The following COG7 variants were observed in gnomAD, a reference collection of about 807,000 sequenced individuals.
COG7 encodes component of oligomeric golgi complex 7.
In COG7, 49 loss-of-function variants were observed where a neutral mutation model predicts 91.5. That is an observed-to-expected ratio of 0.54 (90% CI 0.43 to 0.68). The LOEUF (loss-of-function observed/expected upper bound fraction) is 0.68, where lower values mean the gene tolerates loss of function less well. Ranked by LOEUF, COG7 falls within the 30% of genes least tolerant of loss-of-function variation. The pLI is 0.00. For missense variants in COG7, 895 were observed against 961.3 expected (o/e 0.93, Z 0.91); for synonymous variants, 365 against 388.7 (o/e 0.94, Z 0.72).
intron 13 of COG7, among the ~76,000 whole-genome samples, chr16:23,402,118 T>C (rs552559283): frequency 7.2e-5 from 11 of 152,256 alleles, no homozygotes; most frequent in African/African-American, 2.6e-4. Flanking sequence ...ATTCATTTAG[T>C]GTCTCTTTTT....
Position 23,431,212 on chromosome 16 carries a change from T to C in COG7, c.810+2333A>G, listed in dbSNP as rs534429364. Reference sequence around the variant, plus strand: ...TTTTATATATTGGAAATTTCTCATATGAAAATGCTAAGGGGAAAAATCTGA... The same window carrying C: ...TTTTATATATTGGAAATTTCTCATACGAAAATGCTAAGGGGAAAAATCTGA... On this transcript the variant is annotated intron_variant, in intron 6 of 16. Coordinates refer to ENST00000307149, the MANE Select transcript of COG7 (RefSeq NM_153603.4). Among the ~76,000 whole-genome samples, 4 of 152,256 alleles carry C rather than the reference T, an allele frequency of 2.6e-5. No individual in the cohort carries two copies. In the South Asian group the frequency reaches 8.3e-4, roughly 32 times the overall value.
At chr16:23,413,608 TC>T in intron 9 of COG7, 44 bp from the exon 10 acceptor site, 1 of 1,018,120 alleles carries the variant, frequency 9.8e-7, no homozygotes. Context: ...CACCACTGAT[TC>T]CCCAACTCTA....
chr16:23,445,139 T>C lies in COG7; in HGVS notation c.344A>G (p.Lys115Arg). Reference sequence around the variant, plus strand: ...TTCGGCAGCAAGTTGCATTCTGGACTTCACTTGGTCAATTTCTACCAACAC... The same window carrying C: ...TTCGGCAGCAAGTTGCATTCTGGACCTCACTTGGTCAATTTCTACCAACAC... Reference protein sequence around the residue: ...MQVLVEIDQVKSRMQLAAESL... With the variant: ...MQVLVEIDQVRSRMQLAAESL... Residue 115 changes from lysine (K) to arginine (R), a missense_variant, in exon 3 of 17, where the codon AAG becomes AGG. Transcript: ENST00000307149. The C allele has an allele frequency of 2.5e-6, 4 of 1,614,086 alleles. No homozygotes were observed. Among genetic ancestry groups the C allele is most frequent in the Non-Finnish European group, 3.4e-6 (4 of 1,179,974 alleles).
chr16:23,443,785 G>A (rs1300958571), intron 3 of COG7, among the ~76,000 whole-genome samples: 2 of 152,050 alleles, frequency 1.3e-5, no homozygotes, highest in East Asian at 1.9e-4. Context: ...AAAGGGGCAG[G>A]GAACATAAAT....
intron 11 of COG7, among the ~76,000 whole-genome samples, chr16:23,408,119 A>G (rs444154): frequency 4.1e-4 from 18 of 43,778 alleles, no homozygotes; most frequent in South Asian, 1.2e-3. Flanking sequence ...GGGGCGAGAG[A>G]TAGGGGCGAG....
rs1963671149 is a variant in COG7 at position 23,417,192 on chromosome 16, C to T, written c.1138-71G>A. 4 of 1,484,032 alleles carry T rather than the reference C, an allele frequency of 2.7e-6. No individual in the cohort carries two copies. In the East Asian group the frequency reaches 9.0e-5, roughly 34 times the overall value. The allele number at this position is 1,484,032 out of a possible 1,614,324, so 91.9% of individuals were successfully genotyped here. A position where few individuals can be genotyped will look rare whatever the true frequency, so the allele number is the denominator to read the frequency against. ...CAATGCTGAGATAGGGGAAGACCTC[C>T]AAGCCTTCTCATCTGTAGTAAAATC... On this transcript the variant is annotated intron_variant, in intron 8 of 16. Transcript: ENST00000307149.
In COG7 at chr16:23,434,661, A is replaced by C; in HGVS notation, c.662T>G (p.Leu221Arg). Residue 221 changes from leucine to arginine, a missense_variant, in exon 5 of 17, where the codon CTG becomes CGG. Coordinates refer to ENST00000307149, the MANE Select transcript of COG7 (RefSeq NM_153603.4). ...FTEIDRMPQL[L>R]AYYYKCHKVQ... ...CTTGTGACACTTGTAGTAGTAGGCC[A>C]GGAGCTGGGGCATCCGGTCAATTTC... 6.2e-7 allele frequency: 1 copy of C among 1,613,912 alleles called. No individual in the cohort carries two copies. The highest frequency in any genetic ancestry group is 8.5e-7 in the Non-Finnish European group (1 of 1,179,762).
chr16:23,392,659 G>A, intron 15 of COG7, 136 bp from the exon 16 acceptor site: 2 of 1,002,438 alleles, frequency 2.0e-6, no homozygotes, highest in Non-Finnish European at 3.1e-6. Flanking sequence ...GCCAGGTGCA[G>A]TGGCTCATGC....
intron 6 of COG7, 23 bp from the exon 7 acceptor site, chr16:23,424,970 C>T (rs535142391): frequency 6.3e-7 from 1 of 1,577,256 alleles, no homozygotes; most frequent in African/African-American, 1.4e-5. Context: ...AGAGGTGTAC[C>T]TGCCTTAGCA....
chr16:23,405,663 C>T (rs111259145), intron 12 of COG7, among the ~76,000 whole-genome samples: 15 of 151,860 alleles, frequency 9.9e-5, no homozygotes, highest in South Asian at 2.1e-4. Context: ...ACTACAGGTG[C>T]GTGCCACCAC....
chr16:23,420,254 T>A (rs1963732708), intron 7 of COG7, among the ~76,000 whole-genome samples: 1 of 152,332 alleles, frequency 6.6e-6, no homozygotes, highest in Middle Eastern at 3.4e-3. Flanking sequence ...AACACAGTAA[T>A]TCAATTCCTG....
intron 14 of COG7, among the ~76,000 whole-genome samples, chr16:23,395,912 C>T (rs1401588209): frequency 6.6e-6 from 1 of 152,218 alleles, no homozygotes; most frequent in South Asian, 2.1e-4. Context: ...GTCAGGACCT[C>T]GGATCATCAT....
At chr16:23,433,028 C>T (rs1283655999) in intron 6 of COG7, among the ~76,000 whole-genome samples, 1 of 152,098 alleles carries the variant, frequency 6.6e-6, no homozygotes, top group Non-Finnish European at 1.5e-5. Flanking sequence ...TCAGTGGAGA[C>T]CTAAAGATTT....
intron 13 of COG7, among the ~76,000 whole-genome samples, chr16:23,403,086 T>G (rs1166493684): frequency 1.3e-5 from 2 of 152,168 alleles, no homozygotes; most frequent in African/African-American, 4.8e-5. Context: ...TAACAAGATC[T>G]GGAGCAGGGG....
Position 23,418,764 on chromosome 16 carries a change from T to C in COG7, c.1073A>G (p.Tyr358Cys), listed in dbSNP as rs761298707. The change falls in exon 8 of 17, where the codon TAC (tyrosine) becomes TGC (cysteine). Residue 358 changes from tyrosine (Y) to cysteine (C), a missense_variant. Coordinates refer to ENST00000307149, the MANE Select transcript of COG7 (RefSeq NM_153603.4). Reference sequence around the variant, plus strand: ...TTCCATGTCGCCATACTTCAGCTGGTAGGGTTTGTATGGATCATACACAGC... The same window carrying C: ...TTCCATGTCGCCATACTTCAGCTGGCAGGGTTTGTATGGATCATACACAGC... Reference protein sequence around the residue: ...VDAVYDPYKPYQLKYGDMEES... With the variant: ...VDAVYDPYKPCQLKYGDMEES... The C allele has an allele frequency of 2.0e-5, 32 of 1,613,150 alleles. No homozygotes were observed. Among genetic ancestry groups the C allele is most frequent in the Admixed American group, 1.2e-4 (7 of 59,962 alleles).
chr16:23,437,809 G>A (rs1024792797), intron 4 of COG7, among the ~76,000 whole-genome samples: 1 of 152,154 alleles, frequency 6.6e-6, no homozygotes, highest in Non-Finnish European at 1.5e-5. Context: ...ACTTGGGGCC[G>A]GGCACAGTGG....
intron 7 of COG7, among the ~76,000 whole-genome samples, chr16:23,423,887 A>G (rs957946433): frequency 6.6e-5 from 10 of 152,142 alleles, no homozygotes; most frequent in Non-Finnish European, 1.3e-4. Context: ...TGTTTACCCA[A>G]ATGGGAGTAA....
intron 4 of COG7, 48 bp from the exon 5 acceptor site, chr16:23,434,766 A>G: frequency 1.4e-6 from 2 of 1,386,280 alleles, no homozygotes; most frequent in Middle Eastern, 1.8e-4. Flanking sequence ...TTTCTGGTGT[A>G]GACATGAGAA....
chr16:23,393,598 C>CA, intron 14 of COG7: 3 of 518,758 alleles, frequency 5.8e-6, no homozygotes, highest in Non-Finnish European at 1.0e-5. Flanking sequence ...ATGCATTCAA[C>CA]ACAATCTCTA....
Sources: gnomAD v4.1 joint callset for allele counts (sites outside exome capture counted in the v4.1 genomes callset) on GRCh38, gnomAD v4.1.1 for gene constraint, MANE v1.5 for transcripts, NCBI Gene and HGNC (gene_info 2026-07-23, HGNC 2026-07-21) for gene names.